The following CORIN variants were observed in gnomAD, a reference collection of about 807,000 sequenced individuals.
CORIN encodes corin, serine peptidase.
In CORIN, 117 loss-of-function variants were observed where a neutral mutation model predicts 125.3. The ratio of observed to expected loss-of-function variants is 0.93; its 90% confidence interval spans 0.80 to 1.09. The LOEUF is 1.09. Ranked by LOEUF, CORIN falls within the 50% of genes least tolerant of loss-of-function variation. The probability of loss-of-function intolerance (pLI) is 0.00; values close to 1 mark genes in which losing one functional copy is unlikely to be tolerated. For missense variants in CORIN, 1,253 were observed against 1,306.7 expected (o/e 0.96, Z 0.63); for synonymous variants, 450 against 466.4 (o/e 0.96, Z 0.45).
chr4:47,778,763 T>G (rs944383490), intron 3 of CORIN, among the ~76,000 whole-genome samples: 1 of 152,184 alleles, frequency 6.6e-6, no homozygotes, highest in Non-Finnish European at 1.5e-5. Context: ...AGAAACCAAC[T>G]GGACCTGAAC....
intron 4 of CORIN, among the ~76,000 whole-genome samples, chr4:47,745,098 A>T (rs565999879): frequency 6.6e-6 from 1 of 152,304 alleles, no homozygotes; most frequent in East Asian, 1.9e-4. Flanking sequence ...AACTTGGAAG[A>T]CCTTGTACAG....
At chr4:47,637,392 T>C (rs1265820620) in intron 16 of CORIN, among the ~76,000 whole-genome samples, 1 of 152,080 alleles carries the variant, frequency 6.6e-6, no homozygotes, top group Admixed American at 6.6e-5. Context: ...CCCAAGACAA[T>C]GGGGAAATGT....
rs147459285 is a variant in CORIN at position 47,699,202 on chromosome 4, C to T, written c.800-6119G>A. Among the ~76,000 whole-genome samples the T allele has an allele frequency of 7.2e-3, 1,092 of 152,298 alleles. 13 individuals carry two copies. Among genetic ancestry groups the T allele is most frequent in the African/African-American group, 0.025 (1,034 of 41,554 alleles). On this transcript the variant is annotated intron_variant, in intron 5 of 21. Coordinates refer to ENST00000273857, the MANE Select transcript of CORIN (RefSeq NM_006587.4). ...CTTTCTTTTGAAAACAGAGTATCAT[C>T]CACATCAAGAATATACTTACAATCT...
intron 11 of CORIN, among the ~76,000 whole-genome samples, chr4:47,663,822 C>T (rs906387552): frequency 6.6e-6 from 1 of 152,106 alleles, no homozygotes; most frequent in African/African-American, 2.4e-5. Context: ...ATTAGAGATA[C>T]TTTTAAAAGT....
intron 16 of CORIN, among the ~76,000 whole-genome samples, chr4:47,639,221 C>T (rs536245004): frequency 6.6e-6 from 1 of 152,178 alleles, no homozygotes; most frequent in South Asian, 2.1e-4. Flanking sequence ...AGTGATACAA[C>T]AAATTTATAC....
chr4:47,741,131 A>C (rs1341994431), intron 5 of CORIN, among the ~76,000 whole-genome samples: 1 of 152,012 alleles, frequency 6.6e-6, no homozygotes, highest in East Asian at 1.9e-4. Context: ...AACTGTTGTT[A>C]AAATGAAAAC....
intron 4 of CORIN, among the ~76,000 whole-genome samples, chr4:47,752,238 G>T (rs148640016): frequency 6.6e-6 from 1 of 151,890 alleles, no homozygotes; most frequent in African/African-American, 2.4e-5. Context: ...ATCACTATCC[G>T]CTAAACGAGT....
intron 7 of CORIN, chr4:47,680,569 T>A (rs914560863): frequency 3.3e-5 from 8 of 245,590 alleles, no homozygotes; most frequent in African/African-American, 1.6e-4. Context: ...TTATGAAAAA[T>A]TTATGATTTC....
chr4:47,633,748 G>C (rs1722923657), intron 16 of CORIN, among the ~76,000 whole-genome samples: 1 of 152,108 alleles, frequency 6.6e-6, no homozygotes, highest in Admixed American at 6.6e-5. Flanking sequence ...ATCATGTAAA[G>C]CTAGAGATTA....
At chr4:47,701,677 A>T (rs1483041589) in intron 5 of CORIN, among the ~76,000 whole-genome samples, 2 of 151,900 alleles carry the variant, frequency 1.3e-5, no homozygotes, top group African/African-American at 2.4e-5. Flanking sequence ...AATCTAATTT[A>T]AAAAGTAGAA....
intron 9 of CORIN, among the ~76,000 whole-genome samples, chr4:47,674,776 T>A (rs1724937911): frequency 6.6e-6 from 1 of 151,968 alleles, no homozygotes; most frequent in Non-Finnish European, 1.5e-5. Flanking sequence ...GGGAAAAAAA[T>A]AGTGTTTTCT....
chr4:47,652,258 T>C (rs1723766707), intron 13 of CORIN, among the ~76,000 whole-genome samples: 1 of 152,304 alleles, frequency 6.6e-6, no homozygotes, highest in Admixed American at 6.5e-5. Flanking sequence ...GCTGAAGTTT[T>C]CCAGAAGATG....
chr4:47,671,396 C>A (rs1044725655), intron 10 of CORIN, among the ~76,000 whole-genome samples: 5 of 152,170 alleles, frequency 3.3e-5, no homozygotes, highest in African/African-American at 1.2e-4. Context: ...TAATACTAGT[C>A]TCTTGATAGT....
At position 47,645,122 on chromosome 4, in the gene CORIN, C is replaced by G. The variant is rs1401897713; in HGVS notation, c.1916G>C (p.Gly639Ala). Residue 639 changes from glycine (G) to alanine (A), a missense_variant, in exon 14 of 22, where the codon GGG (glycine) becomes GCG (alanine). By Grantham distance (60) the Gly-to-Ala change is moderately conservative. Coordinates refer to ENST00000273857, the MANE Select transcript of CORIN (RefSeq NM_006587.4). ...QCLKHTVICD[G>A]FPDCPDYMDE... ...CATGTAATCAGGGCAGTCTGGGAAC[C>G]CATCGCAGATCACTGTGTGCTTCAA... 6.2e-7 allele frequency: 1 copy of G among 1,612,744 alleles called. No individual in the cohort carries two copies. The highest frequency in any genetic ancestry group is 8.5e-7 in the Non-Finnish European group (1 of 1,179,232).
intron 5 of CORIN, among the ~76,000 whole-genome samples, chr4:47,724,626 G>C (rs991264173): frequency 3.3e-5 from 5 of 152,050 alleles, no homozygotes; most frequent in Admixed American, 3.3e-4. Flanking sequence ...CAAATGACTG[G>C]AATTTATTCA....
chr4:47,787,865 A>G (rs1730891497), intron 2 of CORIN, among the ~76,000 whole-genome samples: 2 of 152,216 alleles, frequency 1.3e-5, no homozygotes, highest in South Asian at 2.1e-4. Flanking sequence ...CTTAGCTCCC[A>G]CTTATGAGTG....
intron 13 of CORIN, among the ~76,000 whole-genome samples, chr4:47,646,315 A>G (rs969810274): frequency 6.6e-6 from 1 of 152,186 alleles, no homozygotes; most frequent in Non-Finnish European, 1.5e-5. Context: ...ATGCCAAACA[A>G]AACTAGTTTA....
At chr4:47,605,647 C>T (rs1041375823) in intron 19 of CORIN, among the ~76,000 whole-genome samples, 6 of 152,186 alleles carry the variant, frequency 3.9e-5, no homozygotes, top group Non-Finnish European at 8.8e-5. Context: ...ATTTGACCAG[C>T]TAGACCAATT....
intron 2 of CORIN, among the ~76,000 whole-genome samples, chr4:47,788,978 T>A (rs1330802031): frequency 6.6e-6 from 1 of 152,210 alleles, no homozygotes; most frequent in East Asian, 1.9e-4. Context: ...AATATTTCCT[T>A]TATCATTTTA....
Sources: gnomAD v4.1 joint callset for allele counts (sites outside exome capture counted in the v4.1 genomes callset) on GRCh38, gnomAD v4.1.1 for gene constraint, MANE v1.5 for transcripts, NCBI Gene and HGNC (gene_info 2026-07-23, HGNC 2026-07-21) for gene names.